Variants in PATJ observed in about 807,000 individuals in gnomAD.
PATJ encodes PATJ crumbs cell polarity complex component.
In PATJ, 190 loss-of-function variants were observed where a neutral mutation model predicts 224.9. The ratio of observed to expected loss-of-function variants is 0.84; its 90% CI spans 0.75 to 0.95. The LOEUF is 0.95. PATJ is among the 40% of genes least tolerant of loss of function. The pLI, the probability that PATJ is intolerant of heterozygous loss-of-function variation, is 0.00. For synonymous variants in PATJ, 769 were observed against 820.3 expected, an observed-to-expected ratio of 0.94 and a Z score of 1.07; for missense variants, 2,121 against 2,270.3, an observed-to-expected ratio of 0.93 and a Z score of 1.34.
chr1:61,959,420 A>ATATAT (rs1320904307), intron 27 of PATJ, among the ~76,000 whole-genome samples: 7 of 69,618 alleles, frequency 1.0e-4, no homozygotes, highest in African/African-American at 3.0e-4. Context: ...TTATATATAT[A>ATATAT]ATATATTTTT....
intron 31 of PATJ, among the ~76,000 whole-genome samples, chr1:62,065,041 C>G (rs1470439338): frequency 6.6e-6 from 1 of 152,172 alleles, no homozygotes; most frequent in African/African-American, 2.4e-5. Context: ...GCATTTTTCA[C>G]AGCTCATTGT....
rs1339104307 is a variant in PATJ at position 62,086,716 on chromosome 1, G to A, written c.4377+2068G>A. On this transcript the variant is annotated intron_variant, in intron 33 of 43. Transcript: ENST00000642238. The surrounding 1 kb of genome is among the most constrained non-coding windows in gnomAD (Gnocchi z 4.0). ...GAACAGCATAGGCGATAGAAACCAG[G>A]GTCTTGATGATGCAGGAGTTTTCTC... is the stretch of plus-strand genomic sequence containing the variant. Among the ~76,000 whole-genome samples, 1 of 152,076 alleles carries A rather than the reference G, an allele frequency of 6.6e-6. No homozygotes were observed. Among genetic ancestry groups the A allele is most frequent in the Non-Finnish European group, 1.5e-5 (1 of 68,020 alleles).
chr1:61,787,106 C>G (rs1648718713), intron 7 of PATJ, among the ~76,000 whole-genome samples: 1 of 152,188 alleles, frequency 6.6e-6, no homozygotes, highest in South Asian at 2.1e-4. Flanking sequence ...GGCCTCCCAA[C>G]TTGTATCTTT....
At chr1:62,061,559 T>A (rs928414254) in intron 31 of PATJ, among the ~76,000 whole-genome samples, 30 of 152,196 alleles carry the variant, frequency 2.0e-4, no homozygotes, top group African/African-American at 7.2e-4. Flanking sequence ...GTATTTAGTT[T>A]TCTGTTCCTG....
chr1:61,752,311 CTTTT>C (rs370759266), intron 1 of PATJ, among the ~76,000 whole-genome samples: 1 of 124,018 alleles, frequency 8.1e-6, no homozygotes. Context: ...TCATTTCTTT[CTTTT>C]TTTTTTTTTT....
rs565133056 is a variant in PATJ at position 62,061,339 on chromosome 1, G to A, written c.4125+10281G>A. On this transcript the variant is annotated intron_variant, in intron 31 of 43. Coordinates refer to ENST00000642238, the MANE Select transcript of PATJ (RefSeq NM_001350145.3). ...TGGGATTACAGGTGCCCGCCCCCAC[G>A]CCCAGCTAATTTTTGTATTTTTAGT... 3.3e-5 allele frequency among the ~76,000 whole-genome samples: 5 copies of A among 151,344 alleles called. No individual in the cohort carries two copies. The South Asian group carries it at 6.3e-4, about 19-fold the overall frequency.
chr1:61,990,396 G>A (rs755081184), intron 28 of PATJ, 32 bp downstream of exon 28: 1 of 1,538,058 alleles, frequency 6.5e-7, no homozygotes, highest in South Asian at 1.2e-5. Flanking sequence ...CTTATCTTTT[G>A]GTGAAGTGGA....
intron 14 of PATJ, among the ~76,000 whole-genome samples, chr1:61,819,793 G>A (rs185497657): frequency 6.3e-4 from 96 of 152,290 alleles, no homozygotes; most frequent in African/African-American, 2.0e-3. Flanking sequence ...GAGTAAGACT[G>A]TTTAATCACT....
chr1:61,975,279 A>G (rs1409005939), intron 27 of PATJ, among the ~76,000 whole-genome samples: 1 of 152,024 alleles, frequency 6.6e-6, no homozygotes, highest in Non-Finnish European at 1.5e-5. Flanking sequence ...GAGTTTAGGT[A>G]CTGATTGCCA....
chr1:62,046,900 G>A (rs1434986928), intron 30 of PATJ, among the ~76,000 whole-genome samples: 1 of 152,172 alleles, frequency 6.6e-6, no homozygotes, highest in African/African-American at 2.4e-5. Context: ...AGGATGCATA[G>A]ACTATTTGGA....
At chr1:62,122,697 C>T (rs1486687104) in intron 38 of PATJ, among the ~76,000 whole-genome samples, 2 of 152,072 alleles carry the variant, frequency 1.3e-5, no homozygotes, top group East Asian at 1.9e-4. Flanking sequence ...TGGTGGCAGG[C>T]ACCTGTAATC....
intron 42 of PATJ, among the ~76,000 whole-genome samples, chr1:62,148,776 T>C (rs1185322386): frequency 6.6e-6 from 1 of 152,068 alleles, no homozygotes; most frequent in Non-Finnish European, 1.5e-5. Flanking sequence ...TTAAAACCAG[T>C]CATCGCAGTT....
chr1:61,974,265 A>G (rs1472345653), intron 27 of PATJ, among the ~76,000 whole-genome samples: 1 of 151,944 alleles, frequency 6.6e-6, no homozygotes, highest in Non-Finnish European at 1.5e-5. Flanking sequence ...TCCTTGTACT[A>G]AACTAATTTC....
intron 43 of PATJ, among the ~76,000 whole-genome samples, chr1:62,158,419 G>A (rs1015603145): frequency 8.2e-5 from 12 of 146,782 alleles, no homozygotes; most frequent in African/African-American, 2.9e-4. Flanking sequence ...GATCACCTGA[G>A]GTCAAGAGTT....
intron 16 of PATJ, among the ~76,000 whole-genome samples, chr1:61,828,244 A>C (rs1364565360): frequency 1.4e-5 from 2 of 139,768 alleles, no homozygotes; most frequent in Non-Finnish European, 1.6e-5. Context: ...ACTCCATCTC[A>C]AAAAAAAAAA....
At chr1:62,094,190 T>G (rs576663185) in intron 33 of PATJ, among the ~76,000 whole-genome samples, 19 of 151,402 alleles carry the variant, frequency 1.3e-4, no homozygotes, top group African/African-American at 4.4e-4. Context: ...AGGCCCAGAG[T>G]TCAAGACCAG....
chr1:61,778,696 T>C (rs1032587700), intron 7 of PATJ, among the ~76,000 whole-genome samples: 94 of 151,268 alleles, frequency 6.2e-4, no homozygotes, highest in African/African-American at 2.2e-3. Context: ...CCACTCTTAC[T>C]AATATATATA....
At chr1:61,930,443 T>C (rs965933844) in intron 27 of PATJ, among the ~76,000 whole-genome samples, 2 of 152,244 alleles carry the variant, frequency 1.3e-5, no homozygotes, top group Non-Finnish European at 2.9e-5. Context: ...CCTTTGTTTT[T>C]ACAGTGATGA....
At chr1:61,992,162 G>A (rs536430803) in intron 28 of PATJ, among the ~76,000 whole-genome samples, 58 of 147,798 alleles carry the variant, frequency 3.9e-4, no homozygotes, top group South Asian at 8.5e-4. Flanking sequence ...TTGTTGCCCA[G>A]GCTGGAGTGC....
Sources: gnomAD v4.1 joint callset for allele counts (sites outside exome capture counted in the v4.1 genomes callset) on GRCh38, gnomAD v4.1.1 for gene constraint, Gnocchi (gnomAD v3.1) non-coding constraint, MANE v1.5 for transcripts, NCBI Gene and HGNC (gene_info 2026-07-23, HGNC 2026-07-21) for gene names.